TUT7: variants seen among roughly 807,000 people sequenced by gnomAD.
TUT7 encodes the protein terminal uridylyl transferase 7.
Under a neutral mutation model 165.9 loss-of-function variants are expected in TUT7, and 33 were observed. That is an observed-to-expected ratio of 0.20 (90% CI 0.15 to 0.27). The LOEUF is 0.27. TUT7 is among the 10% of genes least tolerant of loss of function. The probability of loss-of-function intolerance (pLI) is 1.00; values close to 1 mark genes in which losing one functional copy is unlikely to be tolerated. For synonymous variants in TUT7, 552 were observed against 608.1 expected (o/e 0.91, Z 1.36); for missense variants, 1,338 against 1,762.3 (o/e 0.76, Z 4.31).
At chr9:86,303,027 T>G in intron 25 of TUT7, 59 bp downstream of exon 25, 1 of 770,334 alleles carries the variant, frequency 1.3e-6, no homozygotes, top group Non-Finnish European at 2.1e-6. Flanking sequence ...GTACCTCATT[T>G]AAAAATTGGG....
chr9:86,320,006 T>C (rs930916012), intron 14 of TUT7, among the ~76,000 whole-genome samples: 1 of 152,064 alleles, frequency 6.6e-6, no homozygotes, highest in Non-Finnish European at 1.5e-5. Context: ...CTAATTTTTG[T>C]AACAGTAATG....
At position 86,346,235 on chromosome 9, in the gene TUT7, T is replaced by A. The variant is rs1831747654; in HGVS notation, c.702+64A>T. ...AATTGATCAGAGCATGCATACTCAA[T>A]TAACAACAAAATTGAGGCTAAAACC... On this transcript the variant is annotated intron_variant, in intron 3 of 26. Transcript: ENST00000375963. The A allele has an allele frequency of 3.9e-6, 6 of 1,520,810 alleles. No individual in the cohort carries two copies. In the Admixed American group the frequency reaches 1.1e-4, roughly 29 times the overall value. The allele number at this position is 1,520,810 out of a possible 1,614,324, so 94.2% of individuals were successfully genotyped here.
chr9:86,338,419 G>A (rs561203084), intron 9 of TUT7, among the ~76,000 whole-genome samples: 1 of 152,066 alleles, frequency 6.6e-6, no homozygotes, highest in South Asian at 2.1e-4. Flanking sequence ...AAAACATTAT[G>A]GAAATGTAAA....
intron 26 of TUT7, among the ~76,000 whole-genome samples, chr9:86,294,888 A>T (rs2131266793): frequency 6.6e-6 from 1 of 151,912 alleles, no homozygotes; most frequent in East Asian, 1.9e-4. Flanking sequence ...GTAATTTTTA[A>T]TTAAAATTTG....
intron 24 of TUT7, among the ~76,000 whole-genome samples, chr9:86,304,127 C>T (rs1394121069): frequency 7.1e-6 from 1 of 140,946 alleles, no homozygotes; most frequent in Non-Finnish European, 1.5e-5. Flanking sequence ...AAATGTCTCC[C>T]CACAAAAAAT....
intron 2 of TUT7, among the ~76,000 whole-genome samples, chr9:86,352,331 A>T (rs992076220): frequency 2.6e-5 from 4 of 152,234 alleles, no homozygotes; most frequent in African/African-American, 9.6e-5. Context: ...CAAAATTATA[A>T]TCACAATTTT....
chr9:86,298,151 GTT>G (rs916345250), intron 26 of TUT7, among the ~76,000 whole-genome samples: 30 of 151,742 alleles, frequency 2.0e-4, no homozygotes, highest in Non-Finnish European at 4.4e-5. Flanking sequence ...CCCTTTTCTT[GTT>G]TTGTTATTTC....
intron 10 of TUT7, among the ~76,000 whole-genome samples, chr9:86,333,773 T>C (rs791220): frequency 0.25 from 37,340 of 152,196 alleles, 6,180 homozygotes; most frequent in Non-Finnish European, 0.35. Context: ...GCATGCTTTG[T>C]AATTTTTTGT....
At chr9:86,316,421 G>A (rs1308655069) in intron 17 of TUT7, among the ~76,000 whole-genome samples, 1 of 152,094 alleles carries the variant, frequency 6.6e-6, no homozygotes, top group Non-Finnish European at 1.5e-5. Flanking sequence ...AACCTAGCAA[G>A]ATCCCATTTC....
At chr9:86,320,388 T>C (rs1341540791) in intron 14 of TUT7, among the ~76,000 whole-genome samples, 4 of 152,170 alleles carry the variant, frequency 2.6e-5, no homozygotes, top group East Asian at 1.9e-4. Context: ...ATATTTTCTT[T>C]TGTAAAACTT....
chr9:86,335,065 A>G (rs1000837067), intron 10 of TUT7, among the ~76,000 whole-genome samples: 5 of 152,220 alleles, frequency 3.3e-5, no homozygotes, highest in African/African-American at 4.8e-5. Context: ...CTTCCACACC[A>G]TAAGTGGAAC....
intron 24 of TUT7, among the ~76,000 whole-genome samples, chr9:86,304,627 A>G (rs1170198742): frequency 6.6e-6 from 1 of 152,188 alleles, no homozygotes; most frequent in African/African-American, 2.4e-5. Context: ...GAGGAAAACA[A>G]GAATTTAACA....
chr9:86,351,957 A>T (rs1015758941), intron 2 of TUT7, among the ~76,000 whole-genome samples: 4 of 152,236 alleles, frequency 2.6e-5, no homozygotes, highest in Non-Finnish European at 5.9e-5. Flanking sequence ...CCACATGGAT[A>T]AAATCTACTT....
rs1021407888 is a variant in TUT7, at chr9:86,311,768, C to T, written c.3275-959G>A. ...CCGAGTGCCTGCGATTGCAGGTGCG[C>T]GCCGCCACGCCTGACTGGTTTTCGT... On this transcript the variant is annotated intron_variant, in intron 17 of 26. Transcript: ENST00000375963. This position sits in a 1 kb window ranked among gnomAD's most constrained non-coding sequence, Gnocchi z 4.4. Among the ~76,000 whole-genome samples, 10 of 152,134 alleles carry T rather than the reference C, an allele frequency of 6.6e-5. No homozygotes were observed. The highest frequency in any genetic ancestry group is 2.2e-4 in the African/African-American group (9 of 41,430).
In TUT7 at chr9:86,323,071, A is replaced by G. The variant is rs747467951; in HGVS notation, c.2679T>C (p.Ser893=). Residue 893 remains serine (S), a synonymous_variant, in exon 13 of 27, where the codon TCT becomes TCC. Transcript: ENST00000375963. The stretch of plus-strand genomic sequence containing the variant: ...CTTCGCCTAACTCATCATCCTCTTC[A>G]GATAGGGCGTCCTCATCCCCTGACC... The part of the protein sequence containing the change: ...YTGSGDEDAL[S]EEDDELGEAA... 19 of 1,614,046 alleles carry G rather than the reference A, an allele frequency of 1.2e-5. 1 individual carries two copies. The highest frequency in any genetic ancestry group is 8.5e-7 in the Non-Finnish European group (1 of 1,180,038).
chr9:86,322,186 C>A, intron 14 of TUT7, 139 bp downstream of exon 14: 2 of 691,538 alleles, frequency 2.9e-6, no homozygotes, highest in Non-Finnish European at 4.7e-6. Context: ...TGACATGGAA[C>A]GCTTGAGGAT....
In TUT7 at chr9:86,299,138, G is replaced by A. The variant is rs148052589; in HGVS notation, c.4420+2138C>T. 3.1e-4 allele frequency among the ~76,000 whole-genome samples: 47 copies of A among 152,218 alleles called. No homozygotes were observed. The East Asian group carries it at 6.8e-3, about 22-fold the overall frequency. On this transcript the variant is annotated intron_variant, in intron 26 of 26. Coordinates refer to ENST00000375963, the MANE Select transcript of TUT7 (RefSeq NM_024617.4). ...TGGTGCAGAGCTGAGAGCACTCAGG[G>A]AGCAGCTCCTGAGTGAACAGATGAC...
intron 22 of TUT7, 123 bp downstream of exon 22, chr9:86,308,306 G>A (rs1477218865): frequency 4.9e-6 from 4 of 816,482 alleles, no homozygotes; most frequent in Non-Finnish European, 5.4e-6. Flanking sequence ...GCCTGGTATG[G>A]ACAATGAGAC....
At chr9:86,328,674 T>G (rs1467825757) in intron 10 of TUT7, among the ~76,000 whole-genome samples, 182 bp from the exon 11 acceptor site, 1 of 152,246 alleles carries the variant, frequency 6.6e-6, no homozygotes, top group East Asian at 1.9e-4. Flanking sequence ...AACAAGGTTT[T>G]GATTTGCAAA....
Sources: allele counts gnomAD v4.1 joint callset (sites outside exome capture counted in the v4.1 genomes callset), GRCh38; gene constraint gnomAD v4.1.1; non-coding constraint Gnocchi (gnomAD v3.1); transcripts MANE v1.5; gene names NCBI Gene and HGNC (gene_info 2026-07-23, HGNC 2026-07-21).